The following ITPR1 variants were observed in gnomAD, a reference collection of about 807,000 sequenced individuals.
ITPR1 encodes inositol 1,4,5-trisphosphate-gated calcium channel ITPR1.
A neutral mutation model predicts 318.4 loss-of-function variants in ITPR1; 96 were observed. That is an observed-to-expected ratio of 0.30 (90% CI 0.26 to 0.36). The LOEUF (loss-of-function observed/expected upper bound fraction) is 0.36. Among genes scored for constraint, ITPR1 ranks in the 10% least tolerant of loss-of-function variants. ITPR1 has a pLI of 1.00. For synonymous variants in ITPR1, 1,312 were observed against 1,289.9 expected (o/e 1.02, Z -0.37); for missense variants, 2,440 against 3,460.2 (o/e 0.71, Z 7.40).
At chr3:4,566,238 C>T (rs1308906790) in intron 4 of ITPR1, among the ~76,000 whole-genome samples, 1 of 152,152 alleles carries the variant, frequency 6.6e-6, no homozygotes, top group African/African-American at 2.4e-5. Context: ...GTATTCATTC[C>T]TTCCCCTGTT....
intron 49 of ITPR1, among the ~76,000 whole-genome samples, chr3:4,781,750 A>T (rs529848963): frequency 6.6e-6 from 1 of 152,308 alleles, no homozygotes; most frequent in Non-Finnish European, 1.5e-5. Context: ...TGGGAGGCTG[A>T]GGTGGGAGGA....
chr3:4,619,023 T>C (rs1052013935), intron 4 of ITPR1, among the ~76,000 whole-genome samples: 8 of 152,232 alleles, frequency 5.3e-5, no homozygotes, highest in African/African-American at 1.9e-4. Context: ...ACCTTGTTGT[T>C]ATTTCGATAC....
At chr3:4,791,407 C>G (rs779442262) in intron 52 of ITPR1, among the ~76,000 whole-genome samples, 1 of 152,172 alleles carries the variant, frequency 6.6e-6, no homozygotes, top group Non-Finnish European at 1.5e-5. Context: ...GATTTTCTTA[C>G]GGAGTGTGCA....
At chr3:4,770,661 T>C (rs1413914755) in intron 46 of ITPR1, among the ~76,000 whole-genome samples, 1 of 152,184 alleles carries the variant, frequency 6.6e-6, no homozygotes, top group African/African-American at 2.4e-5. Context: ...GAGTGTGGGA[T>C]CTCAGCCATC....
chr3:4,612,716 G>A (rs1006806702), intron 4 of ITPR1, among the ~76,000 whole-genome samples: 4 of 152,060 alleles, frequency 2.6e-5, no homozygotes, highest in Non-Finnish European at 4.4e-5. Flanking sequence ...GCGAACCCCC[G>A]TCTCTACTAA....
At chr3:4,718,186 A>G (rs1280672360) in intron 40 of ITPR1, among the ~76,000 whole-genome samples, 1 of 152,240 alleles carries the variant, frequency 6.6e-6, no homozygotes, top group East Asian at 1.9e-4. Flanking sequence ...GACACATGCT[A>G]GGTAAATGCT....
At chr3:4,714,818 C>T (rs1574980376) in intron 39 of ITPR1, among the ~76,000 whole-genome samples, 1 of 152,196 alleles carries the variant, frequency 6.6e-6, no homozygotes, top group African/African-American at 2.4e-5. Context: ...TTTGGCGTGC[C>T]TGTTTGGGTC....
chr3:4,696,788 C>T (rs1400332802), intron 33 of ITPR1, among the ~76,000 whole-genome samples: 1 of 149,176 alleles, frequency 6.7e-6, no homozygotes, highest in Non-Finnish European at 1.5e-5. Flanking sequence ...TAGGGGCATT[C>T]TTCATTGTTA....
At chr3:4,769,365 G>A (rs1395734052) in intron 46 of ITPR1, among the ~76,000 whole-genome samples, 2 of 152,212 alleles carry the variant, frequency 1.3e-5, no homozygotes, top group African/African-American at 2.4e-5. Flanking sequence ...TGTGTGTCTT[G>A]TAGCCTGTCA....
chr3:4,844,931 T>A (rs899623949), intron 61 of ITPR1, among the ~76,000 whole-genome samples: 4 of 152,212 alleles, frequency 2.6e-5, no homozygotes, highest in African/African-American at 9.7e-5. Context: ...GGTAAATTAG[T>A]CTTGTTTTAT....
intron 2 of ITPR1, among the ~76,000 whole-genome samples, chr3:4,494,966 C>T (rs1450533636): frequency 6.6e-6 from 1 of 152,126 alleles, no homozygotes; most frequent in Non-Finnish European, 1.5e-5. Flanking sequence ...GTGGTTGCTG[C>T]AAGTTGAAAG....
Position 4,684,281 on chromosome 3 carries a change from G to C in ITPR1, c.3499G>C (p.Glu1167Gln). The change falls in exon 29 of 62, where the codon GAG becomes CAG. Residue 1167 changes from glutamate (E) to glutamine (Q), a missense_variant and splice_region_variant. By Grantham distance (29) the Glu-to-Gln change is conservative. Transcript: ENST00000649015. The part of the protein sequence containing the change: ...SGENEHKKTE[E>Q]GNNKPQKHES... Reference sequence around the variant, plus strand: ...CACTTGTGTTCACTTTGGTTTCTAGGAGGGAAATAACAAGCCACAAAAGCA... The same window carrying C: ...CACTTGTGTTCACTTTGGTTTCTAGCAGGGAAATAACAAGCCACAAAAGCA... 1.9e-6 allele frequency: 3 copies of C among 1,609,310 alleles called. No homozygotes were observed. The highest frequency in any genetic ancestry group is 2.5e-6 in the Non-Finnish European group (3 of 1,176,838).
intron 46 of ITPR1, among the ~76,000 whole-genome samples, chr3:4,773,818 T>C (rs771503079): frequency 5.3e-5 from 8 of 152,156 alleles, no homozygotes; most frequent in Admixed American, 3.9e-4. Context: ...AATCATCTGT[T>C]CTCCCTCCAC....
chr3:4,699,342 G>A (rs1021445118), intron 34 of ITPR1, among the ~76,000 whole-genome samples: 27 of 146,996 alleles, frequency 1.8e-4, no homozygotes, highest in Non-Finnish European at 3.4e-4. Context: ...GGGTGACAGC[G>A]TGAGACTCTA....
At chr3:4,830,758 G>A (rs1056878853) in intron 60 of ITPR1, among the ~76,000 whole-genome samples, 12 of 152,140 alleles carry the variant, frequency 7.9e-5, no homozygotes, top group African/African-American at 2.9e-4. Context: ...GCCTCCTTGC[G>A]TCTTCCCAGA....
intron 13 of ITPR1, among the ~76,000 whole-genome samples, chr3:4,659,102 C>G (rs1465471324): frequency 6.6e-6 from 1 of 152,126 alleles, no homozygotes; most frequent in Non-Finnish European, 1.5e-5. Context: ...GTTATTTGGG[C>G]AATTCTGACT....
In ITPR1 at chr3:4,779,692, C is replaced by T. The variant is rs371590734; in HGVS notation, c.6387+47C>T. ...ATGGTAGCACCAAGGAGCATTGCGACGATATTTGGGACAGAGCAGAGGATC... is the reference window on the plus strand; with the variant it reads ...ATGGTAGCACCAAGGAGCATTGCGATGATATTTGGGACAGAGCAGAGGATC... On this transcript the variant is annotated intron_variant, in intron 49 of 61. Coordinates refer to ENST00000649015, the MANE Select transcript of ITPR1 (RefSeq NM_001378452.1). This position sits in a 1 kb window ranked among gnomAD's most constrained non-coding sequence, Gnocchi z 4.0. The T allele has an allele frequency of 2.7e-5, 36 of 1,335,602 alleles. No individual in the cohort carries two copies. The highest frequency in any genetic ancestry group is 1.8e-4 in the Middle Eastern group (1 of 5,518). 82.7% of individuals were successfully genotyped at this position (1,335,602 alleles called of 1,614,324 possible).
rs550392101 is a variant in ITPR1, at chr3:4,836,002, G to A, written c.8029-772G>A. On this transcript the variant is annotated intron_variant, in intron 60 of 61. Coordinates refer to ENST00000649015, the MANE Select transcript of ITPR1 (RefSeq NM_001378452.1). ...GAGTGGTTTCTATAAGCTCATAAAC[G>A]GGGACATTGACAGAAGAGCCTATTC... is the stretch of plus-strand genomic sequence containing the variant. 3.9e-5 allele frequency among the ~76,000 whole-genome samples: 6 copies of A among 152,222 alleles called. No homozygotes were observed. The South Asian group carries it at 6.2e-4, about 16-fold the overall frequency.
intron 42 of ITPR1, among the ~76,000 whole-genome samples, chr3:4,728,296 G>T (rs1459937365): frequency 6.6e-6 from 1 of 152,216 alleles, no homozygotes; most frequent in Non-Finnish European, 1.5e-5. Flanking sequence ...ATAACCAGAT[G>T]TCCTGGTGAC....
Sources: gnomAD v4.1 joint callset for allele counts (sites outside exome capture counted in the v4.1 genomes callset) on GRCh38, gnomAD v4.1.1 for gene constraint, Gnocchi (gnomAD v3.1) non-coding constraint, MANE v1.5 for transcripts, NCBI Gene and HGNC (gene_info 2026-07-23, HGNC 2026-07-21) for gene names.